The following PDE4D variants were observed in gnomAD, a reference collection of about 807,000 sequenced individuals.
The protein encoded by PDE4D is phosphodiesterase 4D, also known as 3',5'-cyclic-AMP phosphodiesterase 4D.
A neutral mutation model predicts 87.4 loss-of-function variants in PDE4D; 24 were observed. That is an observed-to-expected ratio of 0.27 (90% CI 0.20 to 0.39). PDE4D has a LOEUF of 0.39. Ranked by LOEUF, PDE4D falls within the 10% of genes least tolerant of loss-of-function variation. The pLI is 1.00. For synonymous variants in PDE4D, 384 were observed against 383.2 expected (o/e 1.00, Z -0.02); for missense variants, 714 against 1,041.0 (o/e 0.69, Z 4.32).
At chr5:59,976,352 G>A (rs1443446002) in intron 3 of PDE4D, among the ~76,000 whole-genome samples, 1 of 152,134 alleles carries the variant, frequency 6.6e-6, no homozygotes, top group African/African-American at 2.4e-5. Context: ...TGGGCCTAGT[G>A]GGAGATGCTT....
chr5:60,149,282 T>C (rs1256214455), intron 2 of PDE4D, among the ~76,000 whole-genome samples: 2 of 152,154 alleles, frequency 1.3e-5, no homozygotes, highest in African/African-American at 4.8e-5. Context: ...TATCAGCACC[T>C]GACAAAGGCA....
chr5:59,329,134 C>T (rs1335947196), intron 1 of PDE4D, among the ~76,000 whole-genome samples: 1 of 152,182 alleles, frequency 6.6e-6, no homozygotes, highest in Non-Finnish European at 1.5e-5. Context: ...GGACTTCCTC[C>T]AGGATTTTCC....
chr5:59,406,590 G>T (rs868389065), intron 1 of PDE4D, among the ~76,000 whole-genome samples: 1 of 151,940 alleles, frequency 6.6e-6, no homozygotes, highest in Non-Finnish European at 1.5e-5. Flanking sequence ...GGATTTCACC[G>T]TATTGGTCAG....
chr5:59,825,257 G>T (rs1770184966), intron 1 of PDE4D, among the ~76,000 whole-genome samples: 2 of 152,150 alleles, frequency 1.3e-5, no homozygotes. Flanking sequence ...GAAAAATCTG[G>T]ATTGGACATT....
intron 5 of PDE4D, among the ~76,000 whole-genome samples, chr5:59,126,342 G>A (rs1015441022): frequency 7.9e-5 from 12 of 152,082 alleles, no homozygotes; most frequent in East Asian, 3.8e-4. Context: ...TCTTTCTTTC[G>A]ATTATTACAG....
At chr5:59,345,010 G>A (rs1358326740) in intron 1 of PDE4D, among the ~76,000 whole-genome samples, 1 of 152,084 alleles carries the variant, frequency 6.6e-6, no homozygotes, top group East Asian at 1.9e-4. Context: ...TCATCAATCA[G>A]TTATGGGGAG....
intron 1 of PDE4D, among the ~76,000 whole-genome samples, chr5:59,390,112 A>G (rs1019276275): frequency 5.3e-5 from 8 of 152,208 alleles, no homozygotes; most frequent in African/African-American, 1.7e-4. Context: ...CCTCCTAAAT[A>G]TGTATAATTA....
intron 1 of PDE4D, among the ~76,000 whole-genome samples, chr5:59,346,674 AACAG>A (rs1779654657): frequency 2.0e-5 from 3 of 152,280 alleles, no homozygotes; most frequent in Middle Eastern, 3.4e-3. Context: ...CAGCGCATAC[AACAG>A]AAGTTGCACA....
At chr5:60,415,971 A>C (rs984067610) in intron 1 of PDE4D, among the ~76,000 whole-genome samples, 1 of 152,184 alleles carries the variant, frequency 6.6e-6, no homozygotes, top group African/African-American at 2.4e-5. Context: ...AGGTTTGTAA[A>C]CACACCAATC....
intron 1 of PDE4D, among the ~76,000 whole-genome samples, chr5:59,327,195 C>A (rs1422289821): frequency 1.6e-5 from 2 of 128,522 alleles, no homozygotes; most frequent in Non-Finnish European, 3.4e-5. Flanking sequence ...GAATGAAATA[C>A]CAAAAAAAAA....
At chr5:59,970,523 C>T (rs2152817271) in intron 3 of PDE4D, among the ~76,000 whole-genome samples, 1 of 152,260 alleles carries the variant, frequency 6.6e-6, no homozygotes, top group Middle Eastern at 3.4e-3. Flanking sequence ...AAAAAACAAA[C>T]AACCCCATCA....
chr5:60,150,402 GA>G (rs993086042), intron 2 of PDE4D, among the ~76,000 whole-genome samples: 2 of 151,916 alleles, frequency 1.3e-5, no homozygotes, highest in Admixed American at 1.3e-4. Context: ...AATTAATGTG[GA>G]AAATATCTTG....
intron 1 of PDE4D, among the ~76,000 whole-genome samples, chr5:60,339,293 T>C (rs1421241274): frequency 6.6e-6 from 1 of 152,090 alleles, no homozygotes; most frequent in Non-Finnish European, 1.5e-5. Flanking sequence ...CATTATTAAG[T>C]AAACTAAGAG....
At chr5:59,891,787 T>TCACACACACA (rs55796463) in intron 1 of PDE4D, among the ~76,000 whole-genome samples, 10,051 of 150,302 alleles carry the variant, frequency 0.067, 567 homozygotes, top group African/African-American at 0.15. Context: ...AGAGACATGC[T>TCACACACACA]CACACACACA....
chr5:59,707,465 C>T (rs1753594286), intron 1 of PDE4D, among the ~76,000 whole-genome samples: 1 of 152,144 alleles, frequency 6.6e-6, no homozygotes, highest in Non-Finnish European at 1.5e-5. Context: ...CAGGCCACAT[C>T]TAGCCCATAG....
At chr5:59,428,239 A>G (rs914182646) in intron 1 of PDE4D, among the ~76,000 whole-genome samples, 34 of 152,294 alleles carry the variant, frequency 2.2e-4, no homozygotes, top group African/African-American at 8.2e-4. Context: ...TTAGCTTTAA[A>G]TCGAGCTATG....
At chr5:59,721,085 T>C (rs1002980301) in intron 1 of PDE4D, among the ~76,000 whole-genome samples, 2 of 152,164 alleles carry the variant, frequency 1.3e-5, no homozygotes, top group African/African-American at 2.4e-5. Flanking sequence ...GGAGTAACAC[T>C]TTCAGATTTA....
intron 1 of PDE4D, chr5:59,768,241 C>A (rs1263586729): frequency 6.3e-6 from 10 of 1,598,158 alleles, no homozygotes; most frequent in Non-Finnish European, 8.5e-6. Flanking sequence ...TCTGCGCAAA[C>A]CTTACCATGT....
intron 2 of PDE4D, among the ~76,000 whole-genome samples, chr5:60,067,981 T>A (rs1256836149): frequency 7.2e-5 from 11 of 152,208 alleles, no homozygotes. Flanking sequence ...CAATAGACAC[T>A]TAAGTTGTTT....
Sources: allele counts gnomAD v4.1 joint callset (sites outside exome capture counted in the v4.1 genomes callset), GRCh38; gene constraint gnomAD v4.1.1; transcripts MANE v1.5; gene names NCBI Gene and HGNC (gene_info 2026-07-23, HGNC 2026-07-21).